The following MYH10 variants were observed in gnomAD, a reference collection of about 807,000 sequenced individuals.
MYH10 encodes the protein myosin heavy chain 10, also known as myosin-10.
MYH10 carries 55 observed loss-of-function variants against 257.8 expected under a neutral mutation model. The ratio of observed to expected loss-of-function variants is 0.21; its 90% CI spans 0.17 to 0.27. The LOEUF (loss-of-function observed/expected upper bound fraction) is 0.27, where lower values mean the gene tolerates loss of function less well. Ranked by LOEUF, MYH10 falls within the 10% of genes least tolerant of loss-of-function variation. The pLI is 1.00. For missense variants in MYH10, 1,631 were observed against 2,500.6 expected (o/e 0.65, Z 7.42); for synonymous variants, 854 against 921.7 (o/e 0.93, Z 1.33).
In MYH10 at chr17:8,477,151, G is replaced by C. The variant is rs569543819; in HGVS notation, c.5707-103C>G. 1.5e-6 allele frequency: 2 copies of C among 1,309,758 alleles called. No individual in the cohort carries two copies. Among genetic ancestry groups the C allele is most frequent in the African/African-American group, 1.5e-5 (1 of 68,894 alleles). 81.1% of individuals were successfully genotyped at this position (1,309,758 alleles called of 1,614,324 possible). On this transcript the variant is annotated intron_variant, in intron 41 of 42. Coordinates refer to ENST00000360416, the MANE Select transcript of MYH10 (RefSeq NM_001256012.3). The surrounding 1 kb of genome is among the most constrained non-coding windows in gnomAD (Gnocchi z 4.2). ...GTGTGGGGCTCTGCCTGTTACCCTT[G>C]TGAGCACGCGTGTACACGGATGTAC...
chr17:8,577,150 G>T, intron 5 of MYH10, 86 bp downstream of exon 5: 1 of 1,034,208 alleles, frequency 9.7e-7, no homozygotes, highest in Middle Eastern at 2.1e-4. Flanking sequence ...TTATAGCAGT[G>T]TGGAGAGTAG....
chr17:8,492,941 G>C lies in MYH10; in HGVS notation c.4293C>G (p.Asp1431Glu). 1 of 1,614,068 alleles carries C rather than the reference G, an allele frequency of 6.2e-7. No homozygotes were observed. Among genetic ancestry groups the C allele is most frequent in the South Asian group, 1.1e-5 (1 of 91,090 alleles). ...LEEAKKKLLK[D>E]AEALSQRLEE... ...CCAGGCGCTGGCTCAGGGCCTCCGC[G>C]TCCTTCAGAAGCTTCTTCTTGGCTT... The change falls in exon 33 of 43, where the codon GAC (aspartate) becomes GAG (glutamate). Residue 1431 changes from aspartate (D) to glutamate (E), a missense_variant. Transcript: ENST00000360416.
At chr17:8,617,535 A>G (rs2085313835) in intron 2 of MYH10, among the ~76,000 whole-genome samples, 1 of 152,186 alleles carries the variant, frequency 6.6e-6, no homozygotes, top group Non-Finnish European at 1.5e-5. Context: ...TGGAACTCCA[A>G]CTAAATCAGA....
chr17:8,504,774 C>G lies in MYH10; in HGVS notation c.3519G>C (p.Arg1173Ser), dbSNP rs1466417623. 1 of 1,614,228 alleles carries G rather than the reference C, an allele frequency of 6.2e-7. No homozygotes were observed. The highest frequency in any genetic ancestry group is 8.5e-7 in the Non-Finnish European group (1 of 1,180,052). ...ASRNKAEKQK[R>S]DLSEELEALK... Reference sequence around the variant, plus strand: ...GAGCTTCCAGTTCCTCACTCAAGTCCCTTTTCTGCTTTTCGGCCTTGTTCC... The same window carrying G: ...GAGCTTCCAGTTCCTCACTCAAGTCGCTTTTCTGCTTTTCGGCCTTGTTCC... Residue 1173 changes from arginine (R) to serine (S), a missense_variant, in exon 28 of 43, where the codon AGG (arginine) becomes AGC (serine). Transcript: ENST00000360416. The surrounding 1 kb of genome is among the most constrained non-coding windows in gnomAD (Gnocchi z 5.6).
chr17:8,561,825 C>A (rs893397934), intron 7 of MYH10, among the ~76,000 whole-genome samples: 4 of 152,012 alleles, frequency 2.6e-5, no homozygotes, highest in African/African-American at 7.3e-5. Flanking sequence ...CATAGTGGCA[C>A]TAGCCATGAT....
intron 40 of MYH10, among the ~76,000 whole-genome samples, chr17:8,479,846 T>C (rs543975668): frequency 1.3e-5 from 2 of 152,342 alleles, no homozygotes; most frequent in East Asian, 3.9e-4. Context: ...GGGTAGGAGA[T>C]GCAAACTCAG....
rs754789779 is a variant in MYH10 at position 8,475,875 on chromosome 17, C to G, written c.5953G>C (p.Glu1985Gln). 6.2e-7 allele frequency: 1 copy of G among 1,614,192 alleles called. No individual in the cohort carries two copies. The highest frequency in any genetic ancestry group is 1.7e-5 in the Admixed American group (1 of 60,020). Residue 1985 changes from glutamate to glutamine, a missense_variant, in exon 43 of 43, where the codon GAG becomes CAG. Around this residue, in one of 11 missense-constraint regions of MYH10, gnomAD observed 343 missense variants for 389.5 expected, o/e 0.88. Transcript: ENST00000360416. Reference protein sequence around the residue: ...RQLHLEGASLELSDDDTESKT... With the variant: ...RQLHLEGASLQLSDDDTESKT... ...CTTTCTGTGTCATCGTCGGAGAGCT[C>G]CAGGGAAGCTCCTTCAAGGTGCAGC... is the stretch of plus-strand genomic sequence containing the variant.
intron 2 of MYH10, among the ~76,000 whole-genome samples, chr17:8,614,387 C>T (rs1315970534): frequency 7.6e-6 from 1 of 131,892 alleles, no homozygotes; most frequent in Non-Finnish European, 1.5e-5. Context: ...GGTGCAATCT[C>T]GGCTCACTGC....
chr17:8,480,354 G>C (rs1421881827), intron 39 of MYH10, 36 bp from the exon 40 acceptor site: 1 of 1,613,192 alleles, frequency 6.2e-7, no homozygotes, highest in Non-Finnish European at 8.5e-7. Context: ...ACTTGTGCCT[G>C]AGGGGTGGCA....
At chr17:8,565,689 C>G (rs1315307756) in intron 7 of MYH10, among the ~76,000 whole-genome samples, 1 of 152,208 alleles carries the variant, frequency 6.6e-6, no homozygotes, top group Non-Finnish European at 1.5e-5. Flanking sequence ...GTAGTGCAGG[C>G]ACTTTGGAAG....
At chr17:8,589,878 C>A (rs2084057180) in intron 3 of MYH10, among the ~76,000 whole-genome samples, 1 of 152,154 alleles carries the variant, frequency 6.6e-6, no homozygotes, top group African/African-American at 2.4e-5. Context: ...GTATTACTAT[C>A]CCTATTTCAC....
At chr17:8,575,120 A>C (rs764303765) in intron 6 of MYH10, among the ~76,000 whole-genome samples, 2 of 152,228 alleles carry the variant, frequency 1.3e-5, no homozygotes, top group Non-Finnish European at 1.5e-5. Flanking sequence ...AGCATGGCCC[A>C]AAGAAGCTGC....
At chr17:8,494,041 G>C in intron 31 of MYH10, 156 bp from the exon 32 acceptor site, 1 of 848,962 alleles carries the variant, frequency 1.2e-6, no homozygotes, top group Non-Finnish European at 1.8e-6. Context: ...AAACACACAC[G>C]ATAACTTTGT....
rs1214913255 is a variant in MYH10, at chr17:8,504,082, A to T, written c.3599+612T>A. ...TCTCCTGCGACTCGTGGGCTGCCAC[A>T]CTGCAGCTTTCTACCCAGGAGCCTT... On this transcript the variant is annotated intron_variant, in intron 28 of 42. Coordinates refer to ENST00000360416, the MANE Select transcript of MYH10 (RefSeq NM_001256012.3). The surrounding 1 kb of genome is among the most constrained non-coding windows in gnomAD (Gnocchi z 5.6). Among the ~76,000 whole-genome samples the T allele has an allele frequency of 6.6e-6, 1 of 152,118 alleles. No homozygotes were observed. The highest frequency in any genetic ancestry group is 1.5e-5 in the Non-Finnish European group (1 of 68,014).
rs149296613 is a variant in MYH10, at chr17:8,528,987, C to A, written c.1957+1636G>T. ...TCACAGAGAGAGACAGAACCGGGAA[C>A]ATTTTCAGTGCCAAGGTGAGGGTAC... On this transcript the variant is annotated intron_variant, in intron 17 of 42. Coordinates refer to ENST00000360416, the MANE Select transcript of MYH10 (RefSeq NM_001256012.3). 3.5e-4 allele frequency among the ~76,000 whole-genome samples: 54 copies of A among 152,302 alleles called. 1 individual carries two copies. The East Asian group carries it at 7.0e-3, about 20-fold the overall frequency.
At chr17:8,510,278 A>C (rs2081221418) in intron 24 of MYH10, among the ~76,000 whole-genome samples, 1 of 151,980 alleles carries the variant, frequency 6.6e-6, no homozygotes, top group Non-Finnish European at 1.5e-5. Flanking sequence ...TCCTGACCTC[A>C]TGATCCATCC....
chr17:8,626,139 T>G (rs2085665762), intron 1 of MYH10, among the ~76,000 whole-genome samples: 1 of 152,330 alleles, frequency 6.6e-6, no homozygotes, highest in Non-Finnish European at 1.5e-5. Flanking sequence ...GACATCCTCT[T>G]TGGAGAGGGC....
chr17:8,510,095 G>A, intron 24 of MYH10, 146 bp from the exon 25 acceptor site: 2 of 797,826 alleles, frequency 2.5e-6, no homozygotes, highest in Non-Finnish European at 3.5e-6. Flanking sequence ...CTGAAGTGCA[G>A]TGGTGCCACC....
At chr17:8,520,638 T>C (rs1413367404) in intron 19 of MYH10, among the ~76,000 whole-genome samples, 2 of 152,232 alleles carry the variant, frequency 1.3e-5, no homozygotes, top group African/African-American at 4.8e-5. Context: ...GCATGTTTCT[T>C]TGCAGCGCCC....
Sources: allele counts gnomAD v4.1 joint callset (sites outside exome capture counted in the v4.1 genomes callset), GRCh38; gene constraint gnomAD v4.1.1; regional missense constraint gnomAD v4.1.1; non-coding constraint Gnocchi (gnomAD v3.1); transcripts MANE v1.5; gene names NCBI Gene and HGNC (gene_info 2026-07-23, HGNC 2026-07-21).